Variants in TRIQK observed in about 807,000 individuals in gnomAD.
TRIQK encodes the protein triple QxxK/R motif-containing protein.
A neutral mutation model predicts 10.8 loss-of-function variants in TRIQK; 10 were observed. The observed-to-expected ratio is 0.92, with a 90% CI of 0.57 to 1.57. The LOEUF (loss-of-function observed/expected upper bound fraction) is 1.57, where lower values mean the gene tolerates loss of function less well. TRIQK is among the 40% of genes most tolerant of loss of function. The pLI is 0.00. For synonymous variants in TRIQK, 33 were observed against 33.7 expected, an observed-to-expected ratio of 0.98 and a Z score of 0.07; for missense variants, 107 against 97.7, an observed-to-expected ratio of 1.09 and a Z score of -0.40.
Position 92,913,279 on chromosome 8 carries a change from G to GA in TRIQK, c.61+3649dup, listed in dbSNP as rs750092696. On this transcript the variant is annotated intron_variant, in intron 3 of 4. Transcript: ENST00000521988. Reference sequence around the variant, plus strand: ...ACCAGGAACTTAAACAAATTTACAAGAAAAAAACCCCATCAAAAAGTGGGC... The same window carrying GA: ...ACCAGGAACTTAAACAAATTTACAAGAAAAAAAACCCCATCAAAAAGTGGGC... Among the ~76,000 whole-genome samples the GA allele has an allele frequency of 1.1e-4, 16 of 151,896 alleles. No homozygotes were observed. The East Asian group carries it at 1.9e-3, about 18-fold the overall frequency.
At chr8:92,994,461 G>C (rs1029868422) in intron 1 of TRIQK, among the ~76,000 whole-genome samples, 1 of 151,086 alleles carries the variant, frequency 6.6e-6, no homozygotes, top group Non-Finnish European at 1.5e-5. Flanking sequence ...TTTCCTCCAA[G>C]GCTGACAACT....
At chr8:92,939,930 C>A (rs1296354622) in intron 2 of TRIQK, among the ~76,000 whole-genome samples, 6 of 152,142 alleles carry the variant, frequency 3.9e-5, no homozygotes, top group Non-Finnish European at 8.8e-5. Flanking sequence ...TGCCCAACCA[C>A]AGATCCCAAA....
chr8:92,942,119 CA>C (rs1282723905), intron 2 of TRIQK, among the ~76,000 whole-genome samples: 1 of 150,762 alleles, frequency 6.6e-6, no homozygotes, highest in East Asian at 2.0e-4. Context: ...AAGGATGGAA[CA>C]AAAAAAGAAA....
intron 2 of TRIQK, among the ~76,000 whole-genome samples, chr8:92,944,297 G>A (rs1417563106): frequency 8.6e-6 from 1 of 115,976 alleles, no homozygotes; most frequent in Non-Finnish European, 1.8e-5. Flanking sequence ...AGAGTATGAA[G>A]GTTACTCAAA....
chr8:92,951,720 A>T (rs1425413844), intron 2 of TRIQK, among the ~76,000 whole-genome samples: 1 of 152,100 alleles, frequency 6.6e-6, no homozygotes, highest in East Asian at 1.9e-4. Flanking sequence ...TCTTAACAAG[A>T]TCTGTCCTCA....
Position 92,917,654 on chromosome 8 carries a change from C to A in TRIQK, c.-21-644G>T, listed in dbSNP as rs551987078. Among the ~76,000 whole-genome samples, 7 of 151,956 alleles carry A rather than the reference C, an allele frequency of 4.6e-5. No homozygotes were observed. The East Asian group carries it at 1.2e-3, about 25-fold the overall frequency. ...GGTGGATATATGTAATATTTTGATA[C>A]CTGTATACAATGAGTAATGACCAGT... is the stretch of plus-strand genomic sequence containing the variant. On this transcript the variant is annotated intron_variant, in intron 2 of 4. Coordinates refer to ENST00000521988, the MANE Select transcript of TRIQK (RefSeq NM_001171797.2).
chr8:92,919,699 G>A (rs1810070655), intron 2 of TRIQK, among the ~76,000 whole-genome samples: 1 of 151,698 alleles, frequency 6.6e-6, no homozygotes. Context: ...TTTTGAAATA[G>A]TTTTAGTAGA....
At chr8:92,958,381 T>C (rs1422492423) in intron 1 of TRIQK, among the ~76,000 whole-genome samples, 5 of 152,004 alleles carry the variant, frequency 3.3e-5, no homozygotes, top group Non-Finnish European at 5.9e-5. Context: ...TCTTTGGTTA[T>C]CTGATTGATA....
chr8:92,981,378 A>G (rs1812984792), intron 1 of TRIQK, among the ~76,000 whole-genome samples: 4 of 151,902 alleles, frequency 2.6e-5, no homozygotes, highest in African/African-American at 9.7e-5. Flanking sequence ...TATTAGATCA[A>G]GCTCGTTGTG....
chr8:92,899,541 T>C (rs747471381), intron 3 of TRIQK, among the ~76,000 whole-genome samples: 2 of 152,176 alleles, frequency 1.3e-5, no homozygotes, highest in African/African-American at 2.4e-5. Context: ...CTTGACATAA[T>C]GACCTCCAGT....
intron 3 of TRIQK, among the ~76,000 whole-genome samples, chr8:92,896,927 C>T (rs1214816997): frequency 2.6e-5 from 4 of 151,866 alleles, no homozygotes; most frequent in African/African-American, 9.7e-5. Context: ...AGTGATTCTC[C>T]TGCCTCAGCC....
intron 1 of TRIQK, among the ~76,000 whole-genome samples, chr8:92,984,269 C>T (rs1281886079): frequency 6.6e-6 from 1 of 152,046 alleles, no homozygotes; most frequent in Non-Finnish European, 1.5e-5. Flanking sequence ...CAGCTGGAAT[C>T]TATGTTTATT....
At chr8:92,944,870 G>A (rs1262937980) in intron 2 of TRIQK, among the ~76,000 whole-genome samples, 1 of 152,060 alleles carries the variant, frequency 6.6e-6, no homozygotes, top group East Asian at 1.9e-4. Flanking sequence ...TCACCACAAA[G>A]AAATGATAAA....
At chr8:93,005,883 G>A (rs1813265447) in intron 1 of TRIQK, among the ~76,000 whole-genome samples, 1 of 152,202 alleles carries the variant, frequency 6.6e-6, no homozygotes, top group Non-Finnish European at 1.5e-5. Flanking sequence ...GTTTGCAGAT[G>A]ACATGACCTT....
intron 2 of TRIQK, among the ~76,000 whole-genome samples, chr8:92,927,069 A>C (rs980575729): frequency 6.6e-6 from 1 of 152,158 alleles, no homozygotes; most frequent in African/African-American, 2.4e-5. Context: ...TATAAAAATA[A>C]AAAATGAAAA....
At chr8:92,942,863 T>C (rs1333013283) in intron 2 of TRIQK, among the ~76,000 whole-genome samples, 1 of 152,048 alleles carries the variant, frequency 6.6e-6, no homozygotes, top group Admixed American at 6.6e-5. Context: ...CCTGGCTAAT[T>C]TTTTGTATTT....
chr8:92,958,929 T>C (rs1314576248), intron 1 of TRIQK, among the ~76,000 whole-genome samples: 2 of 152,114 alleles, frequency 1.3e-5, no homozygotes, highest in Non-Finnish European at 2.9e-5. Flanking sequence ...CTGTATTGTA[T>C]TGTACTGTAA....
chr8:92,961,073 C>A (rs1812434702), intron 1 of TRIQK, among the ~76,000 whole-genome samples: 1 of 152,118 alleles, frequency 6.6e-6, no homozygotes, highest in Admixed American at 6.6e-5. Context: ...AATGTTCTTC[C>A]TTCCTTAGCT....
intron 1 of TRIQK, among the ~76,000 whole-genome samples, chr8:92,978,550 CA>C (rs1263741527): frequency 6.6e-6 from 1 of 151,976 alleles, no homozygotes; most frequent in African/African-American, 2.4e-5. Flanking sequence ...TTTGTACTGC[CA>C]CTATAAGCAT....
Sources: gnomAD v4.1 joint callset for allele counts (sites outside exome capture counted in the v4.1 genomes callset) on GRCh38, gnomAD v4.1.1 for gene constraint, MANE v1.5 for transcripts, NCBI Gene and HGNC (gene_info 2026-07-23, HGNC 2026-07-21) for gene names.